Variants in ACTR3C observed in about 807,000 individuals in gnomAD.
The protein encoded by ACTR3C is actin related protein 3C, also known as actin-related protein 3C.
In ACTR3C, 18 loss-of-function variants were observed where a neutral mutation model predicts 26.3. The ratio of observed to expected loss-of-function variants is 0.68; its 90% CI spans 0.47 to 1.01. The LOEUF is 1.01. Ranked by LOEUF, ACTR3C falls within the 50% of genes least tolerant of loss-of-function variation. The probability of loss-of-function intolerance (pLI) is 0.00; values close to 1 mark genes in which losing one functional copy is unlikely to be tolerated. For synonymous variants in ACTR3C, 55 were observed against 94.5 expected, an observed-to-expected ratio of 0.58 and a Z score of 2.42; for missense variants, 184 against 250.7, an observed-to-expected ratio of 0.73 and a Z score of 1.80.
At chr7:149,962,008 C>T in the ACTR3C span, among the ~76,000 whole-genome samples, 5 of 148,990 alleles carry the variant, frequency 3.4e-5, no homozygotes, top group East Asian at 2.0e-4. Context: ...GTGTGCTCAC[C>T]GGAAGTGTAC....
At chr7:149,942,259 AC>A in the ACTR3C span, among the ~76,000 whole-genome samples, 30 of 152,230 alleles carry the variant, frequency 2.0e-4, no homozygotes, top group African/African-American at 7.0e-4. Context: ...AAATCACATC[AC>A]CTTAGACTTC....
the ACTR3C span, among the ~76,000 whole-genome samples, chr7:150,215,553 C>A: frequency 6.6e-6 from 1 of 152,218 alleles, no homozygotes; most frequent in Non-Finnish European, 1.5e-5. Context: ...TTTGCATCTA[C>A]TCTTCATTGC....
At chr7:150,040,069 CACT>C in the ACTR3C span, among the ~76,000 whole-genome samples, 1 of 137,696 alleles carries the variant, frequency 7.3e-6, no homozygotes, top group African/African-American at 3.0e-5. Context: ...TGCCTCCCCC[CACT>C]GCGATGGGAG....
At chr7:149,922,292 T>C in the ACTR3C span, among the ~76,000 whole-genome samples, 1 of 140,896 alleles carries the variant, frequency 7.1e-6, no homozygotes, top group South Asian at 2.3e-4. Flanking sequence ...ATCTTAGATA[T>C]TAGCAATTCC....
the ACTR3C span, among the ~76,000 whole-genome samples, chr7:149,972,888 G>A: frequency 0.46 from 69,131 of 150,618 alleles, 17,197 homozygotes; most frequent in South Asian, 0.56. Context: ...AGCCCCGTGC[G>A]TGGGCGGCAT....
At chr7:150,144,581 G>A in the ACTR3C span, among the ~76,000 whole-genome samples, 16 of 151,936 alleles carry the variant, frequency 1.1e-4, no homozygotes, top group Middle Eastern at 3.4e-3. This position sits in a 1 kb window ranked among gnomAD's most constrained non-coding sequence, Gnocchi z 4.6. Context: ...CCATCATACT[G>A]GGTATTTATA....
At chr7:150,034,201 A>G in the ACTR3C span, among the ~76,000 whole-genome samples, 1 of 151,918 alleles carries the variant, frequency 6.6e-6, no homozygotes, top group Non-Finnish European at 1.5e-5. Flanking sequence ...TGCTTCTTTT[A>G]CTAGCAGGGC....
chr7:150,303,223 T>C (rs1434048415), intron 1 of ACTR3C, among the ~76,000 whole-genome samples: 1 of 152,160 alleles, frequency 6.6e-6, no homozygotes, highest in African/African-American at 2.4e-5. Flanking sequence ...TGAGGTAGAC[T>C]CAAGTCGTAG....
the ACTR3C span, among the ~76,000 whole-genome samples, chr7:150,098,114 C>A: frequency 6.6e-6 from 1 of 151,522 alleles, no homozygotes; most frequent in Non-Finnish European, 1.5e-5. Context: ...GAAAAATAAG[C>A]CACCAAATGA....
the ACTR3C span, among the ~76,000 whole-genome samples, chr7:150,230,150 G>T: frequency 6.6e-6 from 1 of 151,844 alleles, no homozygotes; most frequent in Non-Finnish European, 1.5e-5. Flanking sequence ...ATTTGAACCT[G>T]GGAGGCGGAG....
chr7:150,278,064 C>A (rs1217892062), intron 6 of ACTR3C, among the ~76,000 whole-genome samples: 1 of 152,140 alleles, frequency 6.6e-6, no homozygotes, highest in Non-Finnish European at 1.5e-5. Flanking sequence ...CCAAGCACAT[C>A]CCAGGCTTCA....
At chr7:149,962,527 C>T in the ACTR3C span, among the ~76,000 whole-genome samples, 13 of 152,066 alleles carry the variant, frequency 8.5e-5, no homozygotes, top group Non-Finnish European at 1.3e-4. Context: ...GCCATGTCCC[C>T]GCCATGTCTT....
chr7:149,936,978 C>G, the ACTR3C span, among the ~76,000 whole-genome samples: 1 of 151,666 alleles, frequency 6.6e-6, no homozygotes, highest in Non-Finnish European at 1.5e-5. Flanking sequence ...TTGGTAGAGA[C>G]GAGATCTCCC....
chr7:150,264,210 G>A lies in ACTR3C; in HGVS notation c.565-15156C>T, dbSNP rs1181936355. Among the ~76,000 whole-genome samples the A allele has an allele frequency of 2.6e-5, 4 of 152,224 alleles. No homozygotes were observed. In the South Asian group the frequency reaches 6.2e-4, roughly 24 times the overall value. On this transcript the variant is annotated intron_variant, in intron 6 of 7. Coordinates refer to ENST00000683684, the MANE Select transcript of ACTR3C (RefSeq NM_001164458.2). ...TCCCTCATTCGCGCTGCTCCTTTGCGATTCAGAATCCCTGCTTCCTCACCG... is the reference window on the plus strand; with the variant it reads ...TCCCTCATTCGCGCTGCTCCTTTGCAATTCAGAATCCCTGCTTCCTCACCG...
chr7:150,180,185 G>A, the ACTR3C span, among the ~76,000 whole-genome samples: 1 of 149,950 alleles, frequency 6.7e-6, no homozygotes, highest in East Asian at 2.0e-4. Context: ...GGCACCTGTA[G>A]TCCCAGCTAC....
the ACTR3C span, among the ~76,000 whole-genome samples, chr7:150,007,154 C>T: frequency 6.6e-6 from 1 of 152,118 alleles, no homozygotes; most frequent in East Asian, 1.9e-4. Flanking sequence ...CTTTGCTGCT[C>T]ACGACCCAAC....
At chr7:149,947,653 G>T in the ACTR3C span, among the ~76,000 whole-genome samples, 1 of 113,506 alleles carries the variant, frequency 8.8e-6, no homozygotes, top group African/African-American at 4.7e-5. Context: ...GGGGCAGCGT[G>T]TGCAGGATGA....
chr7:150,292,407 C>G (rs942188292), intron 3 of ACTR3C, among the ~76,000 whole-genome samples: 1 of 152,096 alleles, frequency 6.6e-6, no homozygotes, highest in African/African-American at 2.4e-5. Context: ...TCTCTTGAAA[C>G]CCAAATTAGG....
the ACTR3C span, among the ~76,000 whole-genome samples, chr7:150,064,619 T>A: frequency 1.4e-5 from 2 of 145,950 alleles, no homozygotes; most frequent in African/African-American, 5.1e-5. Flanking sequence ...TTAAAAAGAA[T>A]AAACACTAAT....
Sources: allele counts gnomAD v4.1 joint callset (sites outside exome capture counted in the v4.1 genomes callset), GRCh38; gene constraint gnomAD v4.1.1; non-coding constraint Gnocchi (gnomAD v3.1); transcripts MANE v1.5; gene names NCBI Gene and HGNC (gene_info 2026-07-23, HGNC 2026-07-21).